The following RC3H2 variants were observed in gnomAD, a reference collection of about 807,000 sequenced individuals.
RC3H2 encodes the protein ring finger and CCCH-type domains 2.
A neutral mutation model predicts 133.3 loss-of-function variants in RC3H2; 31 were observed. The observed-to-expected ratio is 0.23, with a 90% CI of 0.17 to 0.31. The LOEUF (loss-of-function observed/expected upper bound fraction) is 0.31. Ranked by LOEUF, RC3H2 falls within the 10% of genes least tolerant of loss-of-function variation. The probability of loss-of-function intolerance (pLI) is 1.00; values close to 1 mark genes in which losing one functional copy is unlikely to be tolerated. For missense variants in RC3H2, 1,175 were observed against 1,437.2 expected (o/e 0.82, Z 2.95); for synonymous variants, 517 against 502.2 (o/e 1.03, Z -0.40).
intron 9 of RC3H2, chr9:122,873,992 A>G (rs1379838737): frequency 6.6e-6 from 1 of 151,932 alleles, no homozygotes; most frequent in Non-Finnish European, 1.5e-5. Context: ...TAACTATACC[A>G]TAATTTTTAA....
intron 9 of RC3H2, among the ~76,000 whole-genome samples, chr9:122,870,762 A>G (rs1273765717): frequency 6.6e-6 from 1 of 152,096 alleles, no homozygotes; most frequent in Non-Finnish European, 1.5e-5. Context: ...AGAATCCACT[A>G]TCTACCATTA....
chr9:122,873,626 TCCCCTGAGCCTGGGAGG>T, intron 9 of RC3H2, among the ~76,000 whole-genome samples: 1 of 151,294 alleles, frequency 6.6e-6, no homozygotes, highest in East Asian at 1.9e-4. Flanking sequence ...GGTGGGAGAA[TCCCCTGAGCCTGGGAGG>T]CAGAAGTTGC....
chr9:122,861,857 A>G (rs939900799), intron 10 of RC3H2, among the ~76,000 whole-genome samples: 7 of 152,258 alleles, frequency 4.6e-5, no homozygotes, highest in Non-Finnish European at 1.0e-4. Flanking sequence ...AACTGTGGGT[A>G]ATAAAAGTAG....
At chr9:122,857,882 G>C in intron 13 of RC3H2, 41 bp downstream of exon 13, 1 of 1,556,684 alleles carries the variant, frequency 6.4e-7, no homozygotes, top group Non-Finnish European at 8.8e-7. Flanking sequence ...TCAGCTGTTT[G>C]ACCTATCCCT....
chr9:122,877,732 TG>T (rs376226809), intron 8 of RC3H2, 149 bp from the exon 9 acceptor site: 4 of 634,656 alleles, frequency 6.3e-6, no homozygotes, highest in African/African-American at 1.8e-5. Flanking sequence ...AATATTCCAT[TG>T]TTTCCTGTTG....
intron 9 of RC3H2, among the ~76,000 whole-genome samples, chr9:122,868,894 TG>T (rs1307495988): frequency 0.018 from 240 of 13,240 alleles, 7 homozygotes; most frequent in African/African-American, 0.036. Flanking sequence ...TGTGTGTATG[TG>T]TTTTTTTTTT....
At chr9:122,859,251 G>GTTTTT in intron 11 of RC3H2, 149 bp from the exon 12 acceptor site, 2 of 307,268 alleles carry the variant, frequency 6.5e-6, no homozygotes, top group Non-Finnish European at 4.5e-6. Flanking sequence ...TTATACCCTG[G>GTTTTT]CTTTTTTTTT....
At chr9:122,881,427 C>T (rs1831623556) in intron 5 of RC3H2, among the ~76,000 whole-genome samples, 1 of 145,494 alleles carries the variant, frequency 6.9e-6, no homozygotes, top group Non-Finnish European at 1.5e-5. Flanking sequence ...CACAGCACTC[C>T]AGCCTGAGGG....
chr9:122,858,341 T>C (rs111533465), intron 12 of RC3H2, among the ~76,000 whole-genome samples: 130 of 152,332 alleles, frequency 8.5e-4, no homozygotes, highest in Non-Finnish European at 1.6e-3. Context: ...GTGGTGATAC[T>C]GAAAAAAGGT....
At chr9:122,866,346 A>C (rs917885686) in intron 9 of RC3H2, among the ~76,000 whole-genome samples, 2 of 145,380 alleles carry the variant, frequency 1.4e-5, no homozygotes, top group African/African-American at 5.1e-5. Flanking sequence ...ATTCCATTTA[A>C]GAAAATGTCT....
At chr9:122,862,680 C>A (rs1279540024) in intron 10 of RC3H2, among the ~76,000 whole-genome samples, 1 of 152,006 alleles carries the variant, frequency 6.6e-6, no homozygotes, top group Non-Finnish European at 1.5e-5. Flanking sequence ...AGATCACTTG[C>A]GGTCAGGAGT....
chr9:122,876,412 G>A lies in RC3H2; in HGVS notation c.1325+1059C>T, dbSNP rs1033820686. On this transcript the variant is annotated intron_variant, in intron 9 of 20. Coordinates refer to ENST00000357244, the MANE Select transcript of RC3H2 (RefSeq NM_001100588.3). The stretch of plus-strand genomic sequence containing the variant: ...GGAGGCCAAGGCAGGCAGATCGCTT[G>A]AGGTCAGGAGTTTGAGACCCGCCTG... Among the ~76,000 whole-genome samples, 11 of 152,240 alleles carry A rather than the reference G, an allele frequency of 7.2e-5. No homozygotes were observed. The East Asian group carries it at 2.1e-3, about 29-fold the overall frequency.
rs1450968628 is a variant in RC3H2 at position 122,844,806 on chromosome 9, G to A, written c.*4821C>T. On this transcript the variant is annotated 3_prime_UTR_variant, in exon 21 of 21. Coordinates refer to ENST00000357244, the MANE Select transcript of RC3H2 (RefSeq NM_001100588.3). ...CCATATACAGGCCTTATAAATCCTA[G>A]TCTTCCCCCATTTAATCCTATTCCT... 1 of 151,734 alleles carries A rather than the reference G, an allele frequency of 6.6e-6. No homozygotes were observed. The highest frequency in any genetic ancestry group is 2.4e-5 in the African/African-American group (1 of 41,220). 9.4% of individuals were successfully genotyped at this position (151,734 alleles called of 1,614,324 possible). A position where few individuals can be genotyped will look rare whatever the true frequency, so the allele number is the denominator to read the frequency against.
chr9:122,879,914 A>G (rs1831535156), intron 7 of RC3H2, 41 bp from the exon 8 acceptor site: 1 of 1,611,222 alleles, frequency 6.2e-7, no homozygotes, highest in East Asian at 2.2e-5. Context: ...GGGGGGGAAG[A>G]ATGTTAGCAG....
intron 2 of RC3H2, among the ~76,000 whole-genome samples, chr9:122,896,876 A>G (rs2131503016): frequency 6.6e-6 from 1 of 151,980 alleles, no homozygotes; most frequent in East Asian, 1.9e-4. Flanking sequence ...TACAAAAAAA[A>G]TTAGCTGGGT....
intron 18 of RC3H2, among the ~76,000 whole-genome samples, chr9:122,852,209 A>G (rs1830054713): frequency 6.9e-6 from 1 of 145,060 alleles, no homozygotes; most frequent in African/African-American, 2.6e-5. Flanking sequence ...GGAGGTGAGG[A>G]GCGTCTCTGC....
chr9:122,879,175 C>T (rs1337653047), intron 8 of RC3H2, among the ~76,000 whole-genome samples: 1 of 151,684 alleles, frequency 6.6e-6, no homozygotes, highest in African/African-American at 2.4e-5. Context: ...GTGGGCAGAT[C>T]ACCTGAGGTC....
In RC3H2 at chr9:122,847,717, A is replaced by C. The variant is rs1829899454; in HGVS notation, c.*1910T>G. 6.6e-6 allele frequency: 1 copy of C among 152,190 alleles called. No homozygotes were observed. Among genetic ancestry groups the C allele is most frequent in the African/African-American group, 2.4e-5 (1 of 41,472 alleles). The allele number at this position is 152,190 out of a possible 1,614,324, so 9.4% of individuals were successfully genotyped here. A position where few individuals can be genotyped will look rare whatever the true frequency, so the allele number is the denominator to read the frequency against. ...CATTTCAGGTTACAGAGTGAAATAA[A>C]TAAAATGTCTTCATAGGGATGGGGA... On this transcript the variant is annotated 3_prime_UTR_variant, in exon 21 of 21. Coordinates refer to ENST00000357244, the MANE Select transcript of RC3H2 (RefSeq NM_001100588.3).
intron 2 of RC3H2, among the ~76,000 whole-genome samples, chr9:122,895,160 GTT>G (rs376723673): frequency 1.1e-4 from 16 of 139,882 alleles, no homozygotes; most frequent in East Asian, 2.1e-4. Flanking sequence ...TGGTAGCTAG[GTT>G]TTTTTTTTTT....
Sources: gnomAD v4.1 joint callset for allele counts (sites outside exome capture counted in the v4.1 genomes callset) on GRCh38, gnomAD v4.1.1 for gene constraint, MANE v1.5 for transcripts, NCBI Gene and HGNC (gene_info 2026-07-23, HGNC 2026-07-21) for gene names.